The following TOX2 variants were observed in gnomAD, a reference collection of about 807,000 sequenced individuals.
TOX2 encodes the protein granulosa cell HMG box 1.
In TOX2, 15 loss-of-function variants were observed where a neutral mutation model predicts 47.4. The ratio of observed to expected loss-of-function variants is 0.32; its 90% CI spans 0.21 to 0.49. The LOEUF is 0.49. Ranked by LOEUF, TOX2 falls within the 20% of genes least tolerant of loss-of-function variation. The pLI is 0.99. For synonymous variants in TOX2, 290 were observed against 296.6 expected, an observed-to-expected ratio of 0.98 and a Z score of 0.23; for missense variants, 622 against 673.1, an observed-to-expected ratio of 0.92 and a Z score of 0.84.
chr20:44,020,889 C>G (rs1445578858), intron 3 of TOX2, among the ~76,000 whole-genome samples: 1 of 152,108 alleles, frequency 6.6e-6, no homozygotes, highest in African/African-American at 2.4e-5. Context: ...AGACTTTTTC[C>G]CCCCAGAGGA....
chr20:44,039,316 T>TG lies in TOX2; in HGVS notation c.412-11988dup, dbSNP rs1417126393. ...TCCCCAGGGAGCTCTGGGAAGGGGC[T>TG]GGAGAGGTCAGGAGGAGAGAGATTG... On this transcript the variant is annotated intron_variant, in intron 3 of 8. Coordinates refer to ENST00000341197, the MANE Select transcript of TOX2 (RefSeq NM_001098797.2). 3.9e-6 allele frequency: 5 copies of TG among 1,288,456 alleles called. No homozygotes were observed. In the African/African-American group the frequency reaches 7.6e-5, roughly 20 times the overall value. 79.8% of individuals were successfully genotyped at this position (1,288,456 alleles called of 1,614,324 possible).
At chr20:43,999,459 A>G (rs1272004283) in intron 2 of TOX2, among the ~76,000 whole-genome samples, 1 of 152,226 alleles carries the variant, frequency 6.6e-6, no homozygotes, top group East Asian at 1.9e-4. Context: ...CATAAAGGAA[A>G]CTAAAAAAAA....
At chr20:43,997,666 C>G (rs547436558) in intron 2 of TOX2, among the ~76,000 whole-genome samples, 1 of 152,008 alleles carries the variant, frequency 6.6e-6, no homozygotes, top group Non-Finnish European at 1.5e-5. Flanking sequence ...TACAGACTTT[C>G]GGTTTATTTT....
chr20:44,065,657 T>C (rs2071800396), intron 6 of TOX2, 55 bp from the exon 7 acceptor site: 1 of 1,527,828 alleles, frequency 6.5e-7, no homozygotes, highest in Admixed American at 2.0e-5. Flanking sequence ...TCACAGCCCA[T>C]GTTCTGGCTC....
intron 2 of TOX2, among the ~76,000 whole-genome samples, chr20:43,999,864 A>G (rs1361643580): frequency 6.6e-6 from 1 of 152,262 alleles, no homozygotes; most frequent in African/African-American, 2.4e-5. Flanking sequence ...ATAAGGATAG[A>G]CATATAGACC....
Position 43,915,047 on chromosome 20 carries a change from C to T in TOX2, c.99+57C>T, listed in dbSNP as rs1447701093. 1.3e-5 allele frequency: 14 copies of T among 1,081,408 alleles called. No individual in the cohort carries two copies. Among genetic ancestry groups the T allele is most frequent in the Middle Eastern group, 3.8e-4 (1 of 2,666 alleles). 67.0% of individuals were successfully genotyped at this position (1,081,408 alleles called of 1,614,324 possible). ...GCGGGGCCGGAGTCACCTGGCAGCT[C>T]GGGACTCAGGCGCTCCCGGGGTCAC... On this transcript the variant is annotated intron_variant, in intron 1 of 8. Transcript: ENST00000341197. The surrounding 1 kb of genome is among the most constrained non-coding windows in gnomAD (Gnocchi z 7.1).
chr20:43,958,628 C>T (rs1399200772), intron 1 of TOX2, among the ~76,000 whole-genome samples: 1 of 152,256 alleles, frequency 6.6e-6, no homozygotes, highest in Non-Finnish European at 1.5e-5. Flanking sequence ...CTGCACCTGG[C>T]ATATGGCCAG....
At chr20:43,940,383 CTT>C (rs372369100) in intron 1 of TOX2, among the ~76,000 whole-genome samples, 2 of 142,454 alleles carry the variant, frequency 1.4e-5, no homozygotes. Flanking sequence ...GCACAGCTAG[CTT>C]TTTTTTTTTT....
At chr20:44,000,687 A>T (rs377500493) in intron 2 of TOX2, among the ~76,000 whole-genome samples, 2 of 152,158 alleles carry the variant, frequency 1.3e-5, no homozygotes, top group South Asian at 4.1e-4. Context: ...AGAGGAGGGT[A>T]TAAGATCTGA....
intron 3 of TOX2, among the ~76,000 whole-genome samples, chr20:44,038,797 G>C (rs1462253559): frequency 6.6e-6 from 1 of 152,172 alleles, no homozygotes; most frequent in Admixed American, 6.5e-5. Context: ...TCTCCTCACT[G>C]TGTGGGGTTA....
At chr20:43,957,714 C>G (rs1422919287) in intron 1 of TOX2, among the ~76,000 whole-genome samples, 1 of 152,036 alleles carries the variant, frequency 6.6e-6, no homozygotes, top group Non-Finnish European at 1.5e-5. Flanking sequence ...AAAGACATAC[C>G]TGAGACTGGG....
intron 2 of TOX2, among the ~76,000 whole-genome samples, chr20:43,987,912 C>CTTTTTTTTTTTTT (rs762084312): frequency 1.4e-5 from 1 of 69,980 alleles, no homozygotes; most frequent in Non-Finnish European, 2.5e-5. Flanking sequence ...ATATCAACAT[C>CTTTTTTTTTTTTT]TTTTTTTTTT....
intron 1 of TOX2, among the ~76,000 whole-genome samples, chr20:43,960,544 C>G (rs2069740015): frequency 6.6e-6 from 1 of 152,206 alleles, no homozygotes; most frequent in Non-Finnish European, 1.5e-5. Flanking sequence ...TGGCTTGTCC[C>G]TCTGGCCTGT....
intron 2 of TOX2, among the ~76,000 whole-genome samples, chr20:43,996,885 AGTTACAGCACCTCAT>A (rs2070491226): frequency 6.6e-6 from 1 of 152,142 alleles, no homozygotes; most frequent in Non-Finnish European, 1.5e-5. Flanking sequence ...AATACATGAG[AGTTACAGCACCTCAT>A]GTTTCCATGT....
At chr20:43,959,393 G>A (rs755646038) in intron 1 of TOX2, among the ~76,000 whole-genome samples, 39 of 152,220 alleles carry the variant, frequency 2.6e-4, no homozygotes, top group Non-Finnish European at 4.9e-4. Flanking sequence ...ACCATTTCCT[G>A]TGTTATCTGG....
At chr20:44,041,869 G>A (rs138661552) in intron 3 of TOX2, among the ~76,000 whole-genome samples, 29 of 152,242 alleles carry the variant, frequency 1.9e-4, no homozygotes, top group South Asian at 2.1e-4. Context: ...TACAAAATCC[G>A]TAGTTCTAAA....
intron 1 of TOX2, among the ~76,000 whole-genome samples, chr20:43,923,005 G>C (rs1165888868): frequency 8.7e-6 from 1 of 115,066 alleles, no homozygotes; most frequent in African/African-American, 2.7e-5. Context: ...AATGCCGGGA[G>C]TGTGGGAAGG....
chr20:44,065,572 T>C, intron 6 of TOX2, 140 bp from the exon 7 acceptor site: 1 of 978,712 alleles, frequency 1.0e-6, no homozygotes, highest in Non-Finnish European at 1.5e-6. Context: ...CCCTGTGCTA[T>C]CTCTGGTTAG....
In TOX2 at chr20:43,915,609, C is replaced by T. The variant is rs182597546; in HGVS notation, c.99+619C>T. Among the ~76,000 whole-genome samples, 1 of 152,232 alleles carries T rather than the reference C, an allele frequency of 6.6e-6. No homozygotes were observed. The highest frequency in any genetic ancestry group is 2.4e-5 in the African/African-American group (1 of 41,458). On this transcript the variant is annotated intron_variant, in intron 1 of 8. Transcript: ENST00000341197. This position sits in a 1 kb window ranked among gnomAD's most constrained non-coding sequence, Gnocchi z 7.1. Reference sequence around the variant, plus strand: ...GATCGTCCTGACGGCCACACAGTCACACGCGGTCACACCCAGGGACGGCCA... The same window carrying T: ...GATCGTCCTGACGGCCACACAGTCATACGCGGTCACACCCAGGGACGGCCA...
Sources: allele counts gnomAD v4.1 joint callset (sites outside exome capture counted in the v4.1 genomes callset), GRCh38; gene constraint gnomAD v4.1.1; non-coding constraint Gnocchi (gnomAD v3.1); transcripts MANE v1.5; gene names NCBI Gene and HGNC (gene_info 2026-07-23, HGNC 2026-07-21).